The following PRAMEF2 variants were observed in gnomAD, a reference collection of about 807,000 sequenced individuals.
The protein encoded by PRAMEF2 is PRAME family member 2.
PRAMEF2 carries 35 observed loss-of-function variants against 38.0 expected under a neutral mutation model. The ratio of observed to expected loss-of-function variants is 0.92; its 90% CI spans 0.70 to 1.22. PRAMEF2 has a LOEUF of 1.22. Among genes scored for constraint, PRAMEF2 ranks in the 50% most tolerant of loss-of-function variants. PRAMEF2 has a pLI of 0.00. For synonymous variants in PRAMEF2, 240 were observed against 232.4 expected (o/e 1.03, Z -0.30); for missense variants, 562 against 553.9 (o/e 1.01, Z -0.15).
intron 1 of PRAMEF2, among the ~76,000 whole-genome samples, chr1:12,858,205 G>A (rs1313833063): frequency 5.3e-5 from 8 of 149,734 alleles, no homozygotes; most frequent in African/African-American, 2.0e-4. Flanking sequence ...AGAGTAGCTA[G>A]GATTACAGTC....
chr1:12,860,064 T>A lies in PRAMEF2; in HGVS notation c.659T>A (p.Leu220Gln). The A allele has an allele frequency of 6.2e-7, 1 of 1,606,796 alleles. No homozygotes were observed. Among genetic ancestry groups the A allele is most frequent in the Non-Finnish European group, 8.5e-7 (1 of 1,176,508 alleles). ...LEIHNTCWPHLIRKLYCYLKE... is the reference protein window; with the variant it reads ...LEIHNTCWPHQIRKLYCYLKE... Reference sequence around the variant, plus strand: ...ATTCACAACACGTGCTGGCCACATCTGATAAGAAAGCTTTATTGTTACCTG... The same window carrying A: ...ATTCACAACACGTGCTGGCCACATCAGATAAGAAAGCTTTATTGTTACCTG... Residue 220 changes from leucine to glutamine, a missense_variant, in exon 3 of 4, where the codon CTG becomes CAG. This residue lies in a region of PRAMEF2 where 486 missense variants were observed against 444.2 expected (regional missense o/e 1.09). Coordinates refer to ENST00000240189, the MANE Select transcript of PRAMEF2 (RefSeq NM_023014.1).
rs776079703 is a variant in PRAMEF2, at chr1:12,859,203, C to T, written c.194C>T (p.Pro65Leu). The T allele has an allele frequency of 2.5e-6, 4 of 1,609,772 alleles. No individual in the cohort carries two copies. The highest frequency in any genetic ancestry group is 1.3e-5 in the African/African-American group (1 of 74,468). ...CAGGCCTGGCCTTTCACCTGCCTCCCTCTGGTATCGCTGATGAAGACGCTT... is the reference window on the plus strand; with the variant it reads ...CAGGCCTGGCCTTTCACCTGCCTCCTTCTGGTATCGCTGATGAAGACGCTT... ...MVQAWPFTCL[P>L]LVSLMKTLHL... is the part of the protein sequence containing the mutation. The change falls in exon 2 of 4, where the codon CCT becomes CTT. Residue 65 changes from proline to leucine, a missense_variant. Physicochemically the swap from Pro to Leu is moderately conservative, Grantham distance 98. Around this residue, in one of 2 missense-constraint regions of PRAMEF2, gnomAD observed 486 missense variants for 444.2 expected, o/e 1.09. Transcript: ENST00000240189.
chr1:12,861,905 A>T lies in PRAMEF2; in HGVS notation c.*126A>T. 1 of 1,336,170 alleles carries T rather than the reference A, an allele frequency of 7.5e-7. No homozygotes were observed. The allele number at this position is 1,336,170 out of a possible 1,614,324, so 82.8% of individuals were successfully genotyped here. A position where few individuals can be genotyped will look rare whatever the true frequency, so the allele number is the denominator to read the frequency against. ...ATTTATTTCATTTTTTAATAATTCC[A>T]AAATTTTTATTAAAGACAATTTGAG... On this transcript the variant is annotated 3_prime_UTR_variant, in exon 4 of 4. Coordinates refer to ENST00000240189, the MANE Select transcript of PRAMEF2 (RefSeq NM_023014.1).
chr1:12,861,142 G>A lies in PRAMEF2; in HGVS notation c.867-79G>A. 2.7e-6 allele frequency: 4 copies of A among 1,467,460 alleles called. No homozygotes were observed. The African/African-American group carries it at 4.2e-5, about 16-fold the overall frequency. 90.9% of individuals were successfully genotyped at this position (1,467,460 alleles called of 1,614,324 possible). ...ACAAACTTGTGTTTGGTTGAAGCAG[G>A]TATTTTCCTTGAGGTTATTCCCCAC... is the stretch of plus-strand genomic sequence containing the variant. On this transcript the variant is annotated intron_variant, in intron 3 of 3. Coordinates refer to ENST00000240189, the MANE Select transcript of PRAMEF2 (RefSeq NM_023014.1).
At position 12,861,618 on chromosome 1, in the gene PRAMEF2, T is replaced by C. The variant is rs1327459449; in HGVS notation, c.1264T>C (p.Leu422=). 3.0e-5 allele frequency: 48 copies of C among 1,603,162 alleles called. 1 individual carries two copies. The highest frequency in any genetic ancestry group is 4.1e-5 in the Non-Finnish European group (48 of 1,176,008). The change falls in exon 4 of 4, where the codon TTG becomes CTG. Residue 422 remains leucine, a synonymous_variant. Coordinates refer to ENST00000240189, the MANE Select transcript of PRAMEF2 (RefSeq NM_023014.1). ...YPAPEESLNS[L]VRVNWEIFTP... Reference sequence around the variant, plus strand: ...TGCCCCTGAGGAGAGTTTGAATTCCTTGGTTCGTGTCAATTGGGAGATCTT... The same window carrying C: ...TGCCCCTGAGGAGAGTTTGAATTCCCTGGTTCGTGTCAATTGGGAGATCTT...
chr1:12,861,342 G>C lies in PRAMEF2; in HGVS notation c.988G>C (p.Val330Leu), dbSNP rs755983436. 6.2e-7 allele frequency: 1 copy of C among 1,606,832 alleles called. No homozygotes were observed. Among genetic ancestry groups the C allele is most frequent in the South Asian group, 1.1e-5 (1 of 90,502 alleles). ...CCTAAAGCATCTGAATCTCAGCTACGTGCTGCTGTTCCGCATCAGTCTTGA... is the reference window on the plus strand; with the variant it reads ...CCTAAAGCATCTGAATCTCAGCTACCTGCTGCTGTTCCGCATCAGTCTTGA... ...GYLKHLNLSY[V>L]LLFRISLEPL... Residue 330 changes from valine (V) to leucine (L), a missense_variant, in exon 4 of 4, where the codon GTG becomes CTG. Around this residue, in one of 2 missense-constraint regions of PRAMEF2, gnomAD observed 486 missense variants for 444.2 expected, o/e 1.09. Transcript: ENST00000240189.
rs1399226409 is a variant in PRAMEF2, at chr1:12,861,480, T to A, written c.1126T>A (p.Cys376Ser). 1 of 1,606,038 alleles carries A rather than the reference T, an allele frequency of 6.2e-7. No homozygotes were observed. The highest frequency in any genetic ancestry group is 1.7e-5 in the Admixed American group (1 of 58,140). ...LSAILPGLSC[C>S]SQLTTFYFGS... is the part of the protein sequence containing the mutation. The stretch of plus-strand genomic sequence containing the variant: ...TGCCATCCTGCCTGGCCTGAGCTGC[T>A]GCTCCCAGCTCACCACCTTCTACTT... The change falls in exon 4 of 4, where the codon TGC (cysteine) becomes AGC (serine). Residue 376 changes from cysteine (C) to serine (S), a missense_variant. Transcript: ENST00000240189.
At chr1:12,857,725 GT>G (rs1489397899) in intron 1 of PRAMEF2, among the ~76,000 whole-genome samples, 1 of 141,112 alleles carries the variant, frequency 7.1e-6, no homozygotes, top group African/African-American at 2.7e-5. Flanking sequence ...TTGAGATGGA[GT>G]TTCCCTATTG....
At chr1:12,858,849 C>A in intron 1 of PRAMEF2, 136 bp from the exon 2 acceptor site, 1 of 1,019,598 alleles carries the variant, frequency 9.8e-7, no homozygotes, top group Non-Finnish European at 1.4e-6. Flanking sequence ...AGATTTGAGG[C>A]CAACAAGCAC....
intron 3 of PRAMEF2, 43 bp downstream of exon 3, chr1:12,860,314 A>G: frequency 6.3e-7 from 1 of 1,599,152 alleles, no homozygotes. Context: ...CACAGCACAG[A>G]CTTGTTCTGT....
At chr1:12,857,469 G>T (rs1177276217) in intron 1 of PRAMEF2, among the ~76,000 whole-genome samples, 1 of 144,642 alleles carries the variant, frequency 6.9e-6, no homozygotes, top group Admixed American at 7.2e-5. Context: ...TCATAGACTT[G>T]GTGTTATTGT....
At position 12,861,109 on chromosome 1, in the gene PRAMEF2, T is replaced by C. The variant is rs1450595205; in HGVS notation, c.867-112T>C. Reference sequence around the variant, plus strand: ...AACTTCCATGAGGACCATCATCAGATGGTGGGAACAAACTTGTGTTTGGTT... The same window carrying C: ...AACTTCCATGAGGACCATCATCAGACGGTGGGAACAAACTTGTGTTTGGTT... On this transcript the variant is annotated intron_variant, in intron 3 of 3. Coordinates refer to ENST00000240189, the MANE Select transcript of PRAMEF2 (RefSeq NM_023014.1). 8.7e-6 allele frequency: 11 copies of C among 1,258,898 alleles called. 1 individual carries two copies. The South Asian group carries it at 9.9e-5, about 11-fold the overall frequency. The allele number at this position is 1,258,898 out of a possible 1,614,324, so 78.0% of individuals were successfully genotyped here.
rs752156263 is a variant in PRAMEF2 at position 12,861,470 on chromosome 1, C to T, written c.1116C>T (p.Gly372=). 1.9e-6 allele frequency: 3 copies of T among 1,605,762 alleles called. No homozygotes were observed. Among genetic ancestry groups the T allele is most frequent in the East Asian group, 4.5e-5 (2 of 44,732 alleles). The change falls in exon 4 of 4, where the codon GGC becomes GGT. Residue 372 remains glycine (G), a synonymous_variant. Coordinates refer to ENST00000240189, the MANE Select transcript of PRAMEF2 (RefSeq NM_023014.1). ...CCCAACTCAGTGCCATCCTGCCTGG[C>T]CTGAGCTGCTGCTCCCAGCTCACCA... ...HYSQLSAILP[G]LSCCSQLTTF... is the part of the protein sequence containing the mutation.
At chr1:12,858,290 G>A (rs1287385557) in intron 1 of PRAMEF2, among the ~76,000 whole-genome samples, 1 of 149,388 alleles carries the variant, frequency 6.7e-6, no homozygotes, top group Non-Finnish European at 1.5e-5. Flanking sequence ...AGAGTCCAAC[G>A]CTGTCACCCA....
chr1:12,861,571 A>T lies in PRAMEF2; in HGVS notation c.1217A>T (p.Lys406Met). Reference protein sequence around the residue: ...DLLRHTSGLSKLSLETYPAPE... With the variant: ...DLLRHTSGLSMLSLETYPAPE... ...CTGCGCCACACCAGTGGGCTGAGCAAGTTAAGCCTGGAGACGTATCCTGCC... is the reference window on the plus strand; with the variant it reads ...CTGCGCCACACCAGTGGGCTGAGCATGTTAAGCCTGGAGACGTATCCTGCC... Residue 406 changes from lysine to methionine, a missense_variant, in exon 4 of 4, where the codon AAG (lysine) becomes ATG (methionine). Lys to Met is a moderately conservative substitution (Grantham distance 95, BLOSUM62 -1). Around this residue, in one of 2 missense-constraint regions of PRAMEF2, gnomAD observed 76 missense variants for 109.6 expected, o/e 0.69. Transcript: ENST00000240189. 6 of 1,604,958 alleles carry T rather than the reference A, an allele frequency of 3.7e-6. 1 individual carries two copies. The highest frequency in any genetic ancestry group is 4.2e-6 in the Non-Finnish European group (5 of 1,176,732).
At position 12,860,078 on chromosome 1, in the gene PRAMEF2, T is replaced by C. The variant is rs3204804; in HGVS notation, c.673T>C (p.Tyr225His). The C allele has an allele frequency of 1.1e-4, 181 of 1,606,206 alleles. 9 individuals carry two copies. Among genetic ancestry groups the C allele is most frequent in the Non-Finnish European group, 1.5e-4 (172 of 1,176,176 alleles). The change falls in exon 3 of 4, where the codon TAT becomes CAT. Residue 225 changes from tyrosine to histidine, a missense_variant. Physicochemically the swap from Tyr to His is moderately conservative, Grantham distance 83. Around this residue, in one of 2 missense-constraint regions of PRAMEF2, gnomAD observed 486 missense variants for 444.2 expected, o/e 1.09. Coordinates refer to ENST00000240189, the MANE Select transcript of PRAMEF2 (RefSeq NM_023014.1). ...TCWPHLIRKL[Y>H]CYLKEMKTLC... ...CTGGCCACATCTGATAAGAAAGCTTTATTGTTACCTGAAGGAGATGAAGAC... is the reference window on the plus strand; with the variant it reads ...CTGGCCACATCTGATAAGAAAGCTTCATTGTTACCTGAAGGAGATGAAGAC...
At chr1:12,860,304 C>T in intron 3 of PRAMEF2, 33 bp downstream of exon 3, 1 of 1,603,764 alleles carries the variant, frequency 6.2e-7, no homozygotes, top group Non-Finnish European at 8.5e-7. Context: ...GTATGCAGAC[C>T]ACAGCACAGA....
intron 1 of PRAMEF2, among the ~76,000 whole-genome samples, chr1:12,858,560 C>A (rs927599964): frequency 1.3e-5 from 2 of 149,662 alleles, no homozygotes; most frequent in African/African-American, 4.9e-5. Context: ...TAGGGAGTCC[C>A]TTTAGTGTTC....
At chr1:12,859,652 G>A (rs777970199) in intron 2 of PRAMEF2, 41 bp from the exon 3 acceptor site, 3 of 1,604,676 alleles carry the variant, frequency 1.9e-6, no homozygotes, top group South Asian at 1.1e-5. Flanking sequence ...TCAGGGATGA[G>A]TCCCTCTAAA....
Sources: gnomAD v4.1 joint callset for allele counts (sites outside exome capture counted in the v4.1 genomes callset) on GRCh38, gnomAD v4.1.1 for gene constraint, gnomAD v4.1.1 regional missense constraint, MANE v1.5 for transcripts, NCBI Gene and HGNC (gene_info 2026-07-23, HGNC 2026-07-21) for gene names.